MANBA: variants seen among roughly 807,000 people sequenced by gnomAD.
MANBA encodes beta-mannosidase.
In MANBA, 83 loss-of-function variants were observed where a neutral mutation model predicts 111.1. The ratio of observed to expected loss-of-function variants is 0.75; its 90% confidence interval spans 0.63 to 0.90. The LOEUF (loss-of-function observed/expected upper bound fraction) is 0.90, where lower values mean the gene tolerates loss of function less well. Ranked by LOEUF, MANBA falls within the 40% of genes least tolerant of loss-of-function variation. The probability of loss-of-function intolerance (pLI) is 0.00; values close to 1 mark genes in which losing one functional copy is unlikely to be tolerated. For synonymous variants in MANBA, 370 were observed against 378.7 expected (o/e 0.98, Z 0.27); for missense variants, 1,036 against 1,069.0 (o/e 0.97, Z 0.43).
chr4:102,686,759 C>G (rs1732234165), intron 7 of MANBA, among the ~76,000 whole-genome samples: 1 of 152,118 alleles, frequency 6.6e-6, no homozygotes, highest in Non-Finnish European at 1.5e-5. Context: ...TTCTTAGATT[C>G]TTCTACTGGC....
intron 1 of MANBA, among the ~76,000 whole-genome samples, chr4:102,746,547 G>T (rs774489812): frequency 6.6e-6 from 1 of 152,136 alleles, no homozygotes; most frequent in Non-Finnish European, 1.5e-5. Flanking sequence ...ATGGTCAAAG[G>T]TATTATGTTT....
At chr4:102,669,122 G>T in intron 9 of MANBA, 73 bp from the exon 10 acceptor site, 2 of 1,145,400 alleles carry the variant, frequency 1.7e-6, no homozygotes, top group African/African-American at 1.5e-5. Context: ...TTTATTCTGA[G>T]CTCTGGGCAT....
At chr4:102,678,786 T>A (rs1318139465) in intron 7 of MANBA, among the ~76,000 whole-genome samples, 1 of 152,166 alleles carries the variant, frequency 6.6e-6, no homozygotes, top group African/African-American at 2.4e-5. Flanking sequence ...ATATCTGAAC[T>A]AAAGGGCCTA....
At chr4:102,693,170 T>C (rs1732559604) in intron 5 of MANBA, among the ~76,000 whole-genome samples, 1 of 152,220 alleles carries the variant, frequency 6.6e-6, no homozygotes, top group Admixed American at 6.6e-5. Flanking sequence ...CTCCAGGTTT[T>C]GAATCTATCA....
intron 1 of MANBA, among the ~76,000 whole-genome samples, chr4:102,741,696 T>A (rs538061672): frequency 3.3e-5 from 5 of 152,330 alleles, no homozygotes; most frequent in Non-Finnish European, 5.9e-5. Flanking sequence ...CATTGTATGT[T>A]CTCACTTATA....
At chr4:102,748,986 T>A (rs1438791409) in intron 1 of MANBA, among the ~76,000 whole-genome samples, 3 of 152,070 alleles carry the variant, frequency 2.0e-5, no homozygotes, top group Non-Finnish European at 2.9e-5. Context: ...TTAATTTATC[T>A]CTTTTTTTAA....
intron 11 of MANBA, among the ~76,000 whole-genome samples, chr4:102,663,694 A>G (rs1194755408): frequency 1.3e-5 from 2 of 152,216 alleles, no homozygotes; most frequent in Non-Finnish European, 2.9e-5. Context: ...GCCTTTTCAA[A>G]TTGCTTCTGG....
At chr4:102,718,817 A>G (rs1355436854) in intron 4 of MANBA, among the ~76,000 whole-genome samples, 1 of 152,216 alleles carries the variant, frequency 6.6e-6, no homozygotes, top group Non-Finnish European at 1.5e-5. Context: ...GGATGACATC[A>G]CATATTGGTA....
intron 13 of MANBA, among the ~76,000 whole-genome samples, chr4:102,641,577 C>T (rs545006419): frequency 5.3e-5 from 8 of 152,222 alleles, no homozygotes; most frequent in Admixed American, 5.2e-4. Flanking sequence ...ACCACAGCAA[C>T]AGTAGCTGGA....
intron 14 of MANBA, among the ~76,000 whole-genome samples, chr4:102,637,452 T>C (rs1403690498): frequency 6.6e-6 from 1 of 152,166 alleles, no homozygotes; most frequent in Non-Finnish European, 1.5e-5. Context: ...GCCAAGAAGC[T>C]GAATGGACAG....
chr4:102,743,309 C>T (rs933710739), intron 1 of MANBA, among the ~76,000 whole-genome samples: 2 of 152,220 alleles, frequency 1.3e-5, no homozygotes, highest in Non-Finnish European at 2.9e-5. Flanking sequence ...TATAACTGCA[C>T]ATCTGGCCAT....
At chr4:102,642,973 C>T (rs571795790) in intron 13 of MANBA, among the ~76,000 whole-genome samples, 1 of 152,312 alleles carries the variant, frequency 6.6e-6, no homozygotes, top group South Asian at 2.1e-4. Context: ...AATTCACATA[C>T]CATAAAATTC....
chr4:102,724,310 C>A (rs988268912), intron 2 of MANBA, among the ~76,000 whole-genome samples: 1 of 152,192 alleles, frequency 6.6e-6, no homozygotes, highest in Non-Finnish European at 1.5e-5. Flanking sequence ...GTAATCCCAG[C>A]ACTTTGGGAA....
chr4:102,699,507 C>G (rs1732907828), intron 5 of MANBA, among the ~76,000 whole-genome samples: 2 of 150,124 alleles, frequency 1.3e-5, no homozygotes, highest in Non-Finnish European at 3.0e-5. Flanking sequence ...TCATAGATAG[C>G]TCTTATTATT....
rs1279671012 is a variant in MANBA, at chr4:102,698,732, C to T, written c.674-7961G>A. 2.0e-5 allele frequency among the ~76,000 whole-genome samples: 3 copies of T among 151,870 alleles called. No homozygotes were observed. The East Asian group carries it at 5.8e-4, about 29-fold the overall frequency. Reference sequence around the variant, plus strand: ...TTGATCTATATCTCTGTTTTGGTACCAGTACCATGCTGTTTTGGTTACTGT... The same window carrying T: ...TTGATCTATATCTCTGTTTTGGTACTAGTACCATGCTGTTTTGGTTACTGT... On this transcript the variant is annotated intron_variant, in intron 5 of 16. Coordinates refer to ENST00000647097, the MANE Select transcript of MANBA (RefSeq NM_005908.4).
chr4:102,736,194 T>C (rs1400482691), intron 1 of MANBA, among the ~76,000 whole-genome samples: 1 of 152,180 alleles, frequency 6.6e-6, no homozygotes, highest in Non-Finnish European at 1.5e-5. Flanking sequence ...TCCATATACT[T>C]AGTCATTACC....
intron 4 of MANBA, among the ~76,000 whole-genome samples, chr4:102,720,260 C>G (rs535819943): frequency 1.3e-5 from 2 of 152,164 alleles, no homozygotes; most frequent in African/African-American, 4.8e-5. Context: ...CATGGTGAAA[C>G]CCCATCTCTA....
intron 5 of MANBA, among the ~76,000 whole-genome samples, chr4:102,700,878 C>T (rs1386992955): frequency 6.6e-6 from 1 of 152,086 alleles, no homozygotes; most frequent in African/African-American, 2.4e-5. Flanking sequence ...ATTAGGTCCG[C>T]TTGGTGCAGA....
intron 5 of MANBA, among the ~76,000 whole-genome samples, chr4:102,714,148 T>C (rs1475157574): frequency 6.6e-6 from 1 of 152,162 alleles, no homozygotes; most frequent in Non-Finnish European, 1.5e-5. Flanking sequence ...GGCCCAGTTC[T>C]TTCAAGAAAG....
Sources: gnomAD v4.1 joint callset for allele counts (sites outside exome capture counted in the v4.1 genomes callset) on GRCh38, gnomAD v4.1.1 for gene constraint, MANE v1.5 for transcripts, NCBI Gene and HGNC (gene_info 2026-07-23, HGNC 2026-07-21) for gene names.